The following SIK3 variants were observed in gnomAD, a reference collection of about 807,000 sequenced individuals.
SIK3 encodes serine/threonine-protein kinase SIK3.
SIK3 carries 28 observed loss-of-function variants against 144.2 expected under a neutral mutation model. The observed-to-expected ratio is 0.19, with a 90% CI of 0.14 to 0.27. The LOEUF (loss-of-function observed/expected upper bound fraction) is 0.27, where lower values mean the gene tolerates loss of function less well. Ranked by LOEUF, SIK3 falls within the 10% of genes least tolerant of loss-of-function variation. The pLI, the probability that SIK3 is intolerant of heterozygous loss-of-function variation, is 1.00. For missense variants in SIK3, 1,319 were observed against 1,776.0 expected (o/e 0.74, Z 4.62); for synonymous variants, 686 against 676.3 (o/e 1.01, Z -0.22).
intron 4 of SIK3, among the ~76,000 whole-genome samples, chr11:116,924,252 T>G (rs999519262): frequency 6.7e-6 from 1 of 150,132 alleles, no homozygotes; most frequent in Non-Finnish European, 1.5e-5. Flanking sequence ...GCGGAGATCA[T>G]GCCACTGCAC....
At chr11:117,092,674 T>TA (rs1955300003) in intron 1 of SIK3, among the ~76,000 whole-genome samples, 1 of 152,210 alleles carries the variant, frequency 6.6e-6, no homozygotes, top group African/African-American at 2.4e-5. Context: ...GTTGAATGAA[T>TA]AAATGATTAA....
intron 6 of SIK3, among the ~76,000 whole-genome samples, chr11:116,878,133 C>T (rs1944352810): frequency 6.6e-6 from 1 of 152,198 alleles, no homozygotes; most frequent in South Asian, 2.1e-4. Flanking sequence ...AGCACTGAAC[C>T]ATTAATTCAA....
chr11:117,011,816 A>C (rs985098861), intron 1 of SIK3, among the ~76,000 whole-genome samples: 3 of 152,042 alleles, frequency 2.0e-5, no homozygotes, highest in African/African-American at 7.3e-5. Context: ...CCCATCTTTT[A>C]ATTTTTTTTA....
intron 1 of SIK3, among the ~76,000 whole-genome samples, chr11:117,082,427 A>G (rs948980665): frequency 6.6e-6 from 1 of 152,266 alleles, no homozygotes; most frequent in African/African-American, 2.4e-5. Context: ...TCCATACAAC[A>G]TAATATTATT....
intron 2 of SIK3, among the ~76,000 whole-genome samples, chr11:116,955,430 T>TA (rs922812893): frequency 6.6e-6 from 1 of 151,974 alleles, no homozygotes; most frequent in South Asian, 2.1e-4. Flanking sequence ...AAATAAAATT[T>TA]AAAAAACCCA....
chr11:117,017,695 G>A lies in SIK3; in HGVS notation c.274-60631C>T, dbSNP rs1951597270. Among the ~76,000 whole-genome samples, 4 of 152,248 alleles carry A rather than the reference G, an allele frequency of 2.6e-5. No homozygotes were observed. In the East Asian group the frequency reaches 7.7e-4, roughly 29 times the overall value. On this transcript the variant is annotated intron_variant, in intron 1 of 24. Coordinates refer to ENST00000445177, the MANE Select transcript of SIK3 (RefSeq NM_001366686.3). ...TTATACAACTCCTTTGCACCTAAAG[G>A]AGGTAGGATCTACAAATCCTATAAA...
At chr11:116,918,682 A>G (rs769770266) in intron 4 of SIK3, among the ~76,000 whole-genome samples, 4 of 152,106 alleles carry the variant, frequency 2.6e-5, no homozygotes, top group Non-Finnish European at 5.9e-5. Flanking sequence ...CAGGTGTTAC[A>G]CTTCAGTGTT....
chr11:117,048,069 G>A (rs543763233), intron 1 of SIK3, among the ~76,000 whole-genome samples: 28 of 152,118 alleles, frequency 1.8e-4, no homozygotes, highest in Admixed American at 5.2e-4. Flanking sequence ...ATTCAGACAT[G>A]GAAATACGAT....
In SIK3 at chr11:116,910,826, C is replaced by CA. The variant is rs200813887; in HGVS notation, c.617-13510dup. The stretch of plus-strand genomic sequence containing the variant: ...TGTAAGTGAAAAACAAGAACAACAA[C>CA]AACAAAAAAAACACAGAAACTTAAG... On this transcript the variant is annotated intron_variant, in intron 4 of 24. Transcript: ENST00000445177. 3.0e-4 allele frequency among the ~76,000 whole-genome samples: 45 copies of CA among 151,600 alleles called. 1 individual carries two copies. Among genetic ancestry groups the CA allele is most frequent in the Middle Eastern group, 3.4e-3 (1 of 294 alleles).
chr11:116,948,960 G>A (rs903355647), intron 3 of SIK3, among the ~76,000 whole-genome samples: 24 of 152,100 alleles, frequency 1.6e-4, no homozygotes, highest in Admixed American at 8.5e-4. Flanking sequence ...GGAAACATTC[G>A]GGAAATTCAC....
At chr11:116,960,672 T>G (rs1949311015) in intron 1 of SIK3, among the ~76,000 whole-genome samples, 1 of 152,230 alleles carries the variant, frequency 6.6e-6, no homozygotes, top group Non-Finnish European at 1.5e-5. Context: ...ACAGGTTACT[T>G]AATTTTCCAA....
chr11:117,053,130 A>T (rs2135920786), intron 1 of SIK3, among the ~76,000 whole-genome samples: 1 of 152,256 alleles, frequency 6.6e-6, no homozygotes, highest in Middle Eastern at 3.4e-3. Context: ...CAAGGTCAGG[A>T]GTTCAAGACC....
intron 1 of SIK3, among the ~76,000 whole-genome samples, chr11:117,041,624 G>T (rs1352211339): frequency 6.6e-6 from 1 of 152,114 alleles, no homozygotes; most frequent in Admixed American, 6.5e-5. Flanking sequence ...TGTCTTAACA[G>T]TTCTATAATC....
chr11:116,875,951 C>A lies in SIK3; in HGVS notation c.1154G>T (p.Arg385Leu). 1.2e-6 allele frequency: 2 copies of A among 1,613,502 alleles called. No homozygotes were observed. The highest frequency in any genetic ancestry group is 1.7e-6 in the Non-Finnish European group (2 of 1,179,868). ...ACGCAGGGTTTTATGTCTCTTATGTCGATCACACAGCAGGCTGTAGATTGC... is the reference window on the plus strand; with the variant it reads ...ACGCAGGGTTTTATGTCTCTTATGTAGATCACACAGCAGGCTGTAGATTGC... ...YSAIYSLLCDRHKRHKTLRLG... is the reference protein window; with the variant it reads ...YSAIYSLLCDLHKRHKTLRLG... Residue 385 changes from arginine (R) to leucine (L), a missense_variant, in exon 9 of 25, where the codon CGA becomes CTA. This residue lies in a region of SIK3 where 109 missense variants were observed against 109.3 expected (regional missense o/e 1.00). Transcript: ENST00000445177.
chr11:117,032,635 T>A (rs1323109710), intron 1 of SIK3, among the ~76,000 whole-genome samples: 1 of 151,468 alleles, frequency 6.6e-6, no homozygotes, highest in Non-Finnish European at 1.5e-5. Flanking sequence ...GCCTCCCGAG[T>A]AGCTGGGACT....
rs541403547 is a variant in SIK3 at position 116,844,661 on chromosome 11, T to C, written c.*982A>G. Reference sequence around the variant, plus strand: ...TATATTATATATTATATATATAATATATATATACACATATATTATATTATA... The same window carrying C: ...TATATTATATATTATATATATAATACATATATACACATATATTATATTATA... On this transcript the variant is annotated 3_prime_UTR_variant, in exon 25 of 25. Transcript: ENST00000445177. 13 of 117,064 alleles carry C rather than the reference T, an allele frequency of 1.1e-4. No homozygotes were observed. The Admixed American group carries it at 1.2e-3, about 11-fold the overall frequency. 7.3% of individuals were successfully genotyped at this position (117,064 alleles called of 1,614,324 possible). A position where few individuals can be genotyped will look rare whatever the true frequency, so the allele number is the denominator to read the frequency against.
At chr11:116,924,730 A>C (rs1013641996) in intron 4 of SIK3, among the ~76,000 whole-genome samples, 1 of 152,132 alleles carries the variant, frequency 6.6e-6, no homozygotes, top group African/African-American at 2.4e-5. Context: ...GGATATGAGG[A>C]AATAAACTAT....
At chr11:117,090,852 T>C (rs567805907) in intron 1 of SIK3, among the ~76,000 whole-genome samples, 29 of 152,338 alleles carry the variant, frequency 1.9e-4, no homozygotes, top group African/African-American at 7.0e-4. Flanking sequence ...GGTTGGAATA[T>C]TTACTCTTCC....
intron 6 of SIK3, among the ~76,000 whole-genome samples, chr11:116,890,578 C>T (rs1195891397): frequency 2.0e-5 from 3 of 152,196 alleles, no homozygotes; most frequent in Non-Finnish European, 4.4e-5. Flanking sequence ...TAAGTTCAGT[C>T]TGGTGTGGAA....
Sources: gnomAD v4.1 joint callset for allele counts (sites outside exome capture counted in the v4.1 genomes callset) on GRCh38, gnomAD v4.1.1 for gene constraint, gnomAD v4.1.1 regional missense constraint, MANE v1.5 for transcripts, NCBI Gene and HGNC (gene_info 2026-07-23, HGNC 2026-07-21) for gene names.